Variants in SCHIP1 observed in about 807,000 individuals in gnomAD.
SCHIP1 encodes the protein schwannomin-interacting protein 1.
A neutral mutation model predicts 29.7 loss-of-function variants in SCHIP1; 8 were observed. That is an observed-to-expected ratio of 0.27 (90% confidence interval 0.16 to 0.49). SCHIP1 has a LOEUF of 0.49. Ranked by LOEUF, SCHIP1 falls within the 20% of genes least tolerant of loss-of-function variation. The pLI is 0.99. For missense variants in SCHIP1, 193 were observed against 294.6 expected (o/e 0.66, Z 2.52); for synonymous variants, 76 against 94.9 (o/e 0.80, Z 1.16).
At chr3:159,347,021 AT>A in the SCHIP1 span, among the ~76,000 whole-genome samples, 100,110 of 151,772 alleles carry the variant, frequency 0.66, 33,351 homozygotes, top group Middle Eastern at 0.68. Flanking sequence ...TGCCTCCCTT[AT>A]TTTTTTTCCG....
At chr3:159,578,806 C>A in the SCHIP1 span, among the ~76,000 whole-genome samples, 1 of 152,110 alleles carries the variant, frequency 6.6e-6, no homozygotes, top group Non-Finnish European at 1.5e-5. Flanking sequence ...TATTCTGATT[C>A]TCCCTTCCTC....
chr3:159,816,664 C>T, the SCHIP1 span, among the ~76,000 whole-genome samples: 1 of 152,238 alleles, frequency 6.6e-6, no homozygotes, highest in African/African-American at 2.4e-5. Context: ...ACTGTAATGA[C>T]TTCCTCAGGG....
the SCHIP1 span, among the ~76,000 whole-genome samples, chr3:159,301,764 G>T: frequency 6.6e-6 from 1 of 152,008 alleles, no homozygotes; most frequent in Non-Finnish European, 1.5e-5. Flanking sequence ...AGTTTTCTGG[G>T]GCCTCCCCAG....
At chr3:159,336,188 G>A in the SCHIP1 span, among the ~76,000 whole-genome samples, 2 of 152,190 alleles carry the variant, frequency 1.3e-5, no homozygotes, top group African/African-American at 4.8e-5. Flanking sequence ...TTTTGATGGA[G>A]TTGTTTGTTT....
chr3:159,491,405 C>A, the SCHIP1 span, among the ~76,000 whole-genome samples: 17,477 of 152,272 alleles, frequency 0.11, 1,044 homozygotes, highest in Non-Finnish European at 0.13. Context: ...CACTCCCACC[C>A]TAATACTGCG....
the SCHIP1 span, among the ~76,000 whole-genome samples, chr3:159,339,444 C>T: frequency 3.9e-5 from 6 of 152,098 alleles, no homozygotes; most frequent in Non-Finnish European, 5.9e-5. Flanking sequence ...ATCACCTTCT[C>T]TTCAGAACCA....
chr3:159,554,009 TGTGTGTGTGTTTGTG>T, the SCHIP1 span, among the ~76,000 whole-genome samples: 311 of 126,272 alleles, frequency 2.5e-3, 2 homozygotes, highest in African/African-American at 0.012. Flanking sequence ...TGTGTGTGTG[TGTGTGTGTGTTTGTG>T]TATGTGTGTG....
intron 1 of SCHIP1, among the ~76,000 whole-genome samples, chr3:159,849,925 C>T (rs1272970046): frequency 1.3e-5 from 2 of 152,166 alleles, no homozygotes; most frequent in African/African-American, 2.4e-5. Flanking sequence ...TCATTGTGCG[C>T]TTATCGTGTG....
the SCHIP1 span, among the ~76,000 whole-genome samples, chr3:159,707,994 C>T: frequency 1.3e-5 from 2 of 152,254 alleles, no homozygotes; most frequent in African/African-American, 4.8e-5. Context: ...TTCTTTCTCG[C>T]CTTCTATTCT....
chr3:159,488,563 G>T, the SCHIP1 span, among the ~76,000 whole-genome samples: 1 of 152,174 alleles, frequency 6.6e-6, no homozygotes, highest in Non-Finnish European at 1.5e-5. Context: ...GAGGAGGGCA[G>T]AGCTGAGAGA....
chr3:159,764,503 C>T, the SCHIP1 span: 1 of 1,586,684 alleles, frequency 6.3e-7, no homozygotes. The surrounding 1 kb of genome is among the most constrained non-coding windows in gnomAD (Gnocchi z 6.1). Flanking sequence ...CAGCAGCAGC[C>T]GCGCCAGTTC....
the SCHIP1 span, among the ~76,000 whole-genome samples, chr3:159,668,467 G>A: frequency 3.3e-5 from 5 of 151,590 alleles, no homozygotes; most frequent in African/African-American, 4.9e-5. Context: ...ACCTGGAGGT[G>A]TATACCTACT....
the SCHIP1 span, among the ~76,000 whole-genome samples, chr3:159,297,349 T>C: frequency 9.5e-3 from 1,450 of 152,304 alleles, 14 homozygotes; most frequent in African/African-American, 0.014. Context: ...GATAGTTCTA[T>C]TTTTAATTTT....
At chr3:159,441,441 A>G in the SCHIP1 span, among the ~76,000 whole-genome samples, 1 of 152,120 alleles carries the variant, frequency 6.6e-6, no homozygotes, top group Non-Finnish European at 1.5e-5. Context: ...AGAGAGCTAA[A>G]GTAATTTGCA....
At chr3:159,757,294 T>C in the SCHIP1 span, among the ~76,000 whole-genome samples, 5 of 152,190 alleles carry the variant, frequency 3.3e-5, no homozygotes, top group African/African-American at 1.2e-4. Context: ...ACATATTGTG[T>C]GGATGCCAGC....
exon 7 of SCHIP1, chr3:159,896,791 C>G (rs1490866482): frequency 6.3e-7 from 1 of 1,599,886 alleles, no homozygotes; most frequent in Non-Finnish European, 8.5e-7. Context: ...GCCATTCAAC[C>G]AGAGAACAAG....
chr3:159,617,058 G>A, the SCHIP1 span, among the ~76,000 whole-genome samples: 1 of 152,176 alleles, frequency 6.6e-6, no homozygotes. Flanking sequence ...TGCTGAGTTA[G>A]AGCATTGATG....
At chr3:159,753,971 A>G in the SCHIP1 span, among the ~76,000 whole-genome samples, 7 of 152,188 alleles carry the variant, frequency 4.6e-5, no homozygotes, top group Non-Finnish European at 1.0e-4. Flanking sequence ...CTCTCTTAGC[A>G]TCATTTGAGT....
chr3:159,779,543 C>A, the SCHIP1 span, among the ~76,000 whole-genome samples: 1 of 151,434 alleles, frequency 6.6e-6, no homozygotes, highest in Non-Finnish European at 1.5e-5. Flanking sequence ...CATGGTGGCA[C>A]ACACCTGTAA....
Sources: gnomAD v4.1 joint callset for allele counts (sites outside exome capture counted in the v4.1 genomes callset) on GRCh38, gnomAD v4.1.1 for gene constraint, Gnocchi (gnomAD v3.1) non-coding constraint, MANE v1.5 for transcripts, NCBI Gene and HGNC (gene_info 2026-07-23, HGNC 2026-07-21) for gene names.